BTBD10: variants seen among roughly 807,000 people sequenced by gnomAD.
BTBD10 encodes the protein BTB domain containing 10.
Under a neutral mutation model 53.2 loss-of-function variants are expected in BTBD10, and 21 were observed. The observed-to-expected ratio is 0.39, with a 90% CI of 0.28 to 0.57. The LOEUF (loss-of-function observed/expected upper bound fraction) is 0.57, where lower values mean the gene tolerates loss of function less well. BTBD10 is among the 20% of genes least tolerant of loss of function. The probability of loss-of-function intolerance (pLI) is 0.53; values close to 1 mark genes in which losing one functional copy is unlikely to be tolerated. For missense variants in BTBD10, 360 were observed against 594.7 expected (o/e 0.61, Z 4.10); for synonymous variants, 149 against 192.7 (o/e 0.77, Z 1.88).
intron 1 of BTBD10, chr11:13,462,498 T>C (rs1314530147): frequency 1.3e-5 from 2 of 152,136 alleles, no homozygotes; most frequent in Non-Finnish European, 2.9e-5. Context: ...ACTAACAAAT[T>C]ACTAACCGAT....
At position 13,427,770 on chromosome 11, in the gene BTBD10, A is replaced by G. The variant is rs536764547; in HGVS notation, c.102-5932T>C. Among the ~76,000 whole-genome samples the G allele has an allele frequency of 4.2e-4, 64 of 152,314 alleles. No individual in the cohort carries two copies. In the Middle Eastern group the frequency reaches 0.014, roughly 32 times the overall value. On this transcript the variant is annotated intron_variant, in intron 2 of 8. Transcript: ENST00000278174. ...AACTTAAAAGAATTTAATCATACAA[A>G]GTATGTTCTCTGATTACAATGGAAT...
At chr11:13,401,152 TAC>T (rs957578652) in intron 8 of BTBD10, among the ~76,000 whole-genome samples, 13 of 150,238 alleles carry the variant, frequency 8.7e-5, no homozygotes, top group East Asian at 1.9e-4. Context: ...TATATATATA[TAC>T]ACACACACAT....
chr11:13,435,645 A>G (rs1405240332), intron 2 of BTBD10, among the ~76,000 whole-genome samples: 2 of 152,136 alleles, frequency 1.3e-5, no homozygotes, highest in Non-Finnish European at 2.9e-5. Flanking sequence ...GGTGCCTGCC[A>G]CCACACCTGG....
chr11:13,440,054 T>A, intron 2 of BTBD10: 1 of 1,530,374 alleles, frequency 6.5e-7, no homozygotes, highest in Non-Finnish European at 8.7e-7. Context: ...ATCTTCAAGA[T>A]TCCTCTGAAC....
chr11:13,419,420 C>T (rs1950195435), intron 4 of BTBD10, 40 bp downstream of exon 4: 1 of 1,587,300 alleles, frequency 6.3e-7, no homozygotes, highest in Non-Finnish European at 8.5e-7. Flanking sequence ...AGTAAAAGCA[C>T]ATTATAATTA....
At chr11:13,451,368 T>C (rs978110771) in intron 1 of BTBD10, among the ~76,000 whole-genome samples, 1 of 152,096 alleles carries the variant, frequency 6.6e-6, no homozygotes, top group African/African-American at 2.4e-5. Flanking sequence ...AGACCACCAC[T>C]AGCAGGTAAA....
intron 2 of BTBD10, among the ~76,000 whole-genome samples, chr11:13,434,475 T>C (rs974337366): frequency 6.6e-6 from 1 of 152,168 alleles, no homozygotes; most frequent in Non-Finnish European, 1.5e-5. Context: ...TTTCAAGACA[T>C]TCAAGAAGCC....
intron 8 of BTBD10, among the ~76,000 whole-genome samples, chr11:13,394,432 T>C (rs375740488): frequency 7.9e-5 from 12 of 152,008 alleles, no homozygotes; most frequent in Non-Finnish European, 1.3e-4. Context: ...TCTGCCATGA[T>C]TGTAAGTTTC....
intron 2 of BTBD10, among the ~76,000 whole-genome samples, chr11:13,435,837 C>A (rs1245170500): frequency 3.9e-5 from 6 of 152,170 alleles, no homozygotes; most frequent in Non-Finnish European, 7.4e-5. Context: ...CACAATCACT[C>A]CTTCCAAATG....
intron 8 of BTBD10, among the ~76,000 whole-genome samples, chr11:13,401,225 G>C (rs1182314294): frequency 6.6e-6 from 1 of 151,452 alleles, no homozygotes; most frequent in African/African-American, 2.4e-5. Flanking sequence ...CTTGTTATAG[G>C]TCCTTACAAT....
intron 6 of BTBD10, among the ~76,000 whole-genome samples, chr11:13,406,966 C>T (rs77685103): frequency 0.02 from 3,015 of 152,196 alleles, 51 homozygotes; most frequent in South Asian, 0.092. Context: ...CAATTCCAAT[C>T]TGGCTTCCAT....
chr11:13,453,071 T>C (rs956382322), intron 1 of BTBD10, among the ~76,000 whole-genome samples: 2 of 152,192 alleles, frequency 1.3e-5, no homozygotes, highest in African/African-American at 4.8e-5. Context: ...ATACACAGTA[T>C]TATTTGTCCT....
At chr11:13,431,722 A>C (rs1224931154) in intron 2 of BTBD10, among the ~76,000 whole-genome samples, 1 of 152,112 alleles carries the variant, frequency 6.6e-6, no homozygotes, top group African/African-American at 2.4e-5. Flanking sequence ...ATTCACATCA[A>C]ACTTTAGAAT....
chr11:13,449,950 TGGATTTTTGGGGACACA>T (rs1443568854), intron 1 of BTBD10, among the ~76,000 whole-genome samples: 1 of 152,180 alleles, frequency 6.6e-6, no homozygotes, highest in African/African-American at 2.4e-5. Flanking sequence ...TTCCAACACA[TGGATTTTTGGGGACACA>T]GTCAAACCAT....
intron 7 of BTBD10, among the ~76,000 whole-genome samples, chr11:13,403,917 T>C (rs538285642): frequency 1.2e-4 from 18 of 152,298 alleles, no homozygotes; most frequent in East Asian, 9.7e-4. Flanking sequence ...TGACAACATG[T>C]TGAGTCTTCC....
chr11:13,447,019 T>C (rs1412096102), intron 1 of BTBD10, among the ~76,000 whole-genome samples: 1 of 152,156 alleles, frequency 6.6e-6, no homozygotes, highest in African/African-American at 2.4e-5. Flanking sequence ...AAAATAAAGA[T>C]GTAGAGATTT....
At chr11:13,415,636 C>A (rs986837540) in intron 5 of BTBD10, among the ~76,000 whole-genome samples, 1 of 151,856 alleles carries the variant, frequency 6.6e-6, no homozygotes, top group Non-Finnish European at 1.5e-5. Context: ...CTTTCTTGAC[C>A]ACTATATTTA....
Position 13,443,757 on chromosome 11 carries a change from T to C in BTBD10, c.101+1267A>G, listed in dbSNP as rs566366651. Among the ~76,000 whole-genome samples, 22 of 152,210 alleles carry C rather than the reference T, an allele frequency of 1.4e-4. No individual in the cohort carries two copies. The South Asian group carries it at 4.6e-3, about 32-fold the overall frequency. On this transcript the variant is annotated intron_variant, in intron 2 of 8. Transcript: ENST00000278174. ...TGCCACCATTCCCGGCTAATTTTTG[T>C]ATTTTTAGTACAGACAGGGTTTTGT...
chr11:13,440,297 T>C (rs1950621830), intron 2 of BTBD10: 1 of 1,162,252 alleles, frequency 8.6e-7, no homozygotes. Flanking sequence ...GATCGTCCCA[T>C]TTCTCCATCT....
Sources: allele counts gnomAD v4.1 joint callset (sites outside exome capture counted in the v4.1 genomes callset), GRCh38; gene constraint gnomAD v4.1.1; transcripts MANE v1.5; gene names NCBI Gene and HGNC (gene_info 2026-07-23, HGNC 2026-07-21).